Variants in NPAS3 observed in about 807,000 individuals in gnomAD.
NPAS3 encodes neuronal PAS domain protein 3, also known as neuronal PAS domain-containing protein 3.
A neutral mutation model predicts 73.1 loss-of-function variants in NPAS3; 14 were observed. That is an observed-to-expected ratio of 0.19 (90% confidence interval 0.13 to 0.30). The LOEUF (loss-of-function observed/expected upper bound fraction) is 0.30, where lower values mean the gene tolerates loss of function less well. NPAS3 is among the 10% of genes least tolerant of loss of function. The pLI, the probability that NPAS3 is intolerant of heterozygous loss-of-function variation, is 1.00. For missense variants in NPAS3, 1,096 were observed against 1,250.0 expected (o/e 0.88, Z 1.86); for synonymous variants, 620 against 541.5 (o/e 1.14, Z -2.01).
intron 4 of NPAS3, among the ~76,000 whole-genome samples, chr14:33,405,052 A>AT (rs1468456548): frequency 3.9e-4 from 59 of 151,964 alleles, no homozygotes; most frequent in Non-Finnish European, 5.7e-4. Flanking sequence ...CAAGTCCTTG[A>AT]TTTTGACCAG....
At chr14:33,610,123 G>A (rs979844541) in intron 5 of NPAS3, among the ~76,000 whole-genome samples, 1 of 152,010 alleles carries the variant, frequency 6.6e-6, no homozygotes, top group Non-Finnish European at 1.5e-5. Flanking sequence ...CCAAACCAGT[G>A]TTGGAAATAA....
chr14:33,633,171 G>A (rs1161868562), intron 5 of NPAS3, among the ~76,000 whole-genome samples: 1 of 152,172 alleles, frequency 6.6e-6, no homozygotes, highest in African/African-American at 2.4e-5. Context: ...CATATACCAT[G>A]CAATTTATAT....
chr14:33,191,092 G>A lies in NPAS3; in HGVS notation c.141-24090G>A, dbSNP rs185391996. On this transcript the variant is annotated intron_variant, in intron 2 of 11. Coordinates refer to ENST00000356141, the Ensembl canonical transcript of NPAS3. ...TAGTCAAAGCAAGTGACCCTTTTCA[G>A]AGACAAGGGTTGAATTAAGTTGAAC... Among the ~76,000 whole-genome samples the A allele has an allele frequency of 3.8e-3, 584 of 152,256 alleles. 3 individuals are homozygous for A. Among genetic ancestry groups the A allele is most frequent in the African/African-American group, 0.013 (544 of 41,532 alleles).
chr14:33,181,322 G>T (rs1789045170), intron 2 of NPAS3, among the ~76,000 whole-genome samples: 1 of 152,162 alleles, frequency 6.6e-6, no homozygotes, highest in Admixed American at 6.5e-5. Context: ...CATGAATATT[G>T]AAATCTTCCA....
intron 4 of NPAS3, among the ~76,000 whole-genome samples, chr14:33,542,905 A>G (rs1265114290): frequency 6.6e-6 from 1 of 152,186 alleles, no homozygotes; most frequent in Non-Finnish European, 1.5e-5. Flanking sequence ...CACAGGCCTC[A>G]GTGCGTGGGT....
At chr14:33,571,366 G>T (rs1188779709) in intron 5 of NPAS3, among the ~76,000 whole-genome samples, 1 of 152,180 alleles carries the variant, frequency 6.6e-6, no homozygotes, top group Admixed American at 6.5e-5. Flanking sequence ...AAGCACTGGG[G>T]TAGGGCTCGA....
intron 5 of NPAS3, among the ~76,000 whole-genome samples, chr14:33,669,977 G>A (rs1057232998): frequency 2.0e-5 from 3 of 151,988 alleles, no homozygotes; most frequent in Non-Finnish European, 2.9e-5. Context: ...GTGCAATGTC[G>A]TGATCTCAGC....
intron 3 of NPAS3, among the ~76,000 whole-genome samples, chr14:33,273,872 A>G (rs1248967229): frequency 6.6e-6 from 1 of 152,200 alleles, no homozygotes; most frequent in Non-Finnish European, 1.5e-5. Flanking sequence ...AAAACTTTCA[A>G]TGAAATAGTG....
At chr14:33,260,534 T>C (rs1198107594) in intron 3 of NPAS3, among the ~76,000 whole-genome samples, 1 of 152,240 alleles carries the variant, frequency 6.6e-6, no homozygotes, top group Non-Finnish European at 1.5e-5. Context: ...TCTTCAGTTT[T>C]CTGCTGCTAC....
At chr14:33,497,018 A>T (rs919072524) in intron 4 of NPAS3, among the ~76,000 whole-genome samples, 1 of 152,190 alleles carries the variant, frequency 6.6e-6, no homozygotes, top group African/African-American at 2.4e-5. Flanking sequence ...TACAAAATCA[A>T]TGTGCAAAAA....
chr14:33,136,491 G>A (rs2043844980), intron 2 of NPAS3, among the ~76,000 whole-genome samples: 2 of 152,128 alleles, frequency 1.3e-5, no homozygotes, highest in South Asian at 2.1e-4. Context: ...CTGGAATTTA[G>A]GACTGCAGTA....
chr14:33,722,671 A>C (rs192419304), intron 6 of NPAS3, among the ~76,000 whole-genome samples: 37 of 152,310 alleles, frequency 2.4e-4, no homozygotes, highest in African/African-American at 7.9e-4. Context: ...AAATTAGCTT[A>C]ATTAAAGATG....
chr14:33,435,736 T>C (rs1293368565), intron 4 of NPAS3, among the ~76,000 whole-genome samples: 2 of 152,244 alleles, frequency 1.3e-5, no homozygotes, highest in Non-Finnish European at 2.9e-5. Flanking sequence ...AAACCAAACA[T>C]GCTAAATCCT....
At chr14:33,069,407 A>G (rs2041402577) in intron 2 of NPAS3, among the ~76,000 whole-genome samples, 1 of 152,192 alleles carries the variant, frequency 6.6e-6, no homozygotes, top group Non-Finnish European at 1.5e-5. Flanking sequence ...TCAGTCCACA[A>G]ACTTTTAAAA....
intron 2 of NPAS3, among the ~76,000 whole-genome samples, chr14:33,112,876 T>G (rs1420607399): frequency 1.3e-5 from 2 of 152,170 alleles, no homozygotes; most frequent in African/African-American, 2.4e-5. Flanking sequence ...GTTTCAGCTT[T>G]CTACATATGG....
intron 4 of NPAS3, among the ~76,000 whole-genome samples, chr14:33,544,801 T>TA (rs1311652112): frequency 1.8e-5 from 2 of 108,668 alleles, no homozygotes; most frequent in Non-Finnish European, 3.5e-5. Flanking sequence ...TATATATATA[T>TA]ATATATATAT....
intron 3 of NPAS3, among the ~76,000 whole-genome samples, chr14:33,336,513 A>G (rs2140296258): frequency 6.6e-6 from 1 of 152,324 alleles, no homozygotes; most frequent in East Asian, 1.9e-4. Flanking sequence ...GGTTGGTTGC[A>G]AAAGAATCCT....
intron 2 of NPAS3, among the ~76,000 whole-genome samples, chr14:33,113,990 A>G (rs2042980735): frequency 6.6e-6 from 1 of 152,056 alleles, no homozygotes; most frequent in South Asian, 2.1e-4. Flanking sequence ...CATATGTTGA[A>G]CCAGCCTTGC....
intron 7 of NPAS3, among the ~76,000 whole-genome samples, chr14:33,738,276 G>A (rs547596267): frequency 3.3e-5 from 5 of 152,084 alleles, no homozygotes; most frequent in Admixed American, 1.3e-4. Context: ...CACCAGAATC[G>A]AATCCTCCAA....
Sources: allele counts gnomAD v4.1 joint callset (sites outside exome capture counted in the v4.1 genomes callset), GRCh38; gene constraint gnomAD v4.1.1; transcripts MANE v1.5; gene names NCBI Gene and HGNC (gene_info 2026-07-23, HGNC 2026-07-21).